CACNG2: variants seen among roughly 807,000 people sequenced by gnomAD.
CACNG2 encodes calcium voltage-gated channel auxiliary subunit gamma 2.
Under a neutral mutation model 25.9 loss-of-function variants are expected in CACNG2, and 3 were observed. The observed-to-expected ratio is 0.12, with a 90% CI of 0.05 to 0.30. The LOEUF is 0.30. Ranked by LOEUF, CACNG2 falls within the 10% of genes least tolerant of loss-of-function variation. The pLI is 1.00. For synonymous variants in CACNG2, 167 were observed against 173.3 expected, an observed-to-expected ratio of 0.96 and a Z score of 0.29; for missense variants, 341 against 432.5, an observed-to-expected ratio of 0.79 and a Z score of 1.88.
At chr22:36,592,367 G>C (rs1935610211) in intron 1 of CACNG2, among the ~76,000 whole-genome samples, 1 of 152,034 alleles carries the variant, frequency 6.6e-6, no homozygotes, top group Admixed American at 6.5e-5. Context: ...CAGAGAGTGG[G>C]ATGCAAAAGA....
chr22:36,688,868 A>G (rs1197701311), intron 1 of CACNG2, among the ~76,000 whole-genome samples: 1 of 152,198 alleles, frequency 6.6e-6, no homozygotes, highest in South Asian at 2.1e-4. Flanking sequence ...TATCCATCTC[A>G]GCAATATCCC....
intron 1 of CACNG2, among the ~76,000 whole-genome samples, chr22:36,669,653 A>T (rs1395927100): frequency 2.0e-5 from 3 of 151,880 alleles, no homozygotes; most frequent in Non-Finnish European, 4.4e-5. Context: ...TCATGTCAGC[A>T]CTCTCTTTCC....
At chr22:36,657,556 T>C (rs961430256) in intron 1 of CACNG2, among the ~76,000 whole-genome samples, 1 of 152,132 alleles carries the variant, frequency 6.6e-6, no homozygotes, top group Non-Finnish European at 1.5e-5. Flanking sequence ...GGATAAATCT[T>C]CTCTGGATTG....
chr22:36,670,643 T>TTGTTC (rs1936936551), intron 1 of CACNG2, among the ~76,000 whole-genome samples: 1 of 149,324 alleles, frequency 6.7e-6, no homozygotes, highest in African/African-American at 2.5e-5. Flanking sequence ...TTGTTTTGTT[T>TTGTTC]TGTTTTTTGA....
At chr22:36,699,839 C>G (rs570641670) in intron 1 of CACNG2, among the ~76,000 whole-genome samples, 1 of 152,334 alleles carries the variant, frequency 6.6e-6, no homozygotes, top group East Asian at 1.9e-4. Flanking sequence ...GAACTTACAG[C>G]CTTTGGAGAT....
At chr22:36,576,186 A>G (rs1008285892) in intron 2 of CACNG2, among the ~76,000 whole-genome samples, 2 of 152,264 alleles carry the variant, frequency 1.3e-5, no homozygotes, top group Non-Finnish European at 2.9e-5. Context: ...ATGATGGAAT[A>G]CTACTCAGCA....
intron 1 of CACNG2, among the ~76,000 whole-genome samples, chr22:36,684,872 C>A (rs1601455530): frequency 6.6e-6 from 1 of 152,208 alleles, no homozygotes; most frequent in Non-Finnish European, 1.5e-5. Flanking sequence ...AGGATTCAAA[C>A]CCAGGTCTGT....
At chr22:36,657,428 C>T (rs1936723518) in intron 1 of CACNG2, among the ~76,000 whole-genome samples, 1 of 152,178 alleles carries the variant, frequency 6.6e-6, no homozygotes, top group South Asian at 2.1e-4. Flanking sequence ...ATGCTACTCC[C>T]ATGTCAGATA....
chr22:36,687,805 T>C (rs557833633), intron 1 of CACNG2, among the ~76,000 whole-genome samples: 4 of 152,142 alleles, frequency 2.6e-5, no homozygotes, highest in African/African-American at 9.6e-5. Context: ...GTTCAACAAC[T>C]CTGGCTTTAA....
At chr22:36,640,794 A>G (rs901459914) in intron 1 of CACNG2, among the ~76,000 whole-genome samples, 13 of 151,984 alleles carry the variant, frequency 8.6e-5, no homozygotes, top group African/African-American at 3.1e-4. Context: ...CTTTGCTTAG[A>G]CCTTCCAGTG....
intron 1 of CACNG2, among the ~76,000 whole-genome samples, chr22:36,627,780 G>T (rs1409441554): frequency 6.6e-6 from 1 of 151,740 alleles, no homozygotes; most frequent in East Asian, 1.9e-4. Context: ...GCGCCACCAT[G>T]CCCAGCAATT....
rs115905681 is a variant in CACNG2, at chr22:36,613,921, C to T, written c.212-26373G>A. ...CTCTTCATCTCCACTCCCAGCAAATCGCCAATTCTTTAACATGTCTTGAAT... is the reference window on the plus strand; with the variant it reads ...CTCTTCATCTCCACTCCCAGCAAATTGCCAATTCTTTAACATGTCTTGAAT... On this transcript the variant is annotated intron_variant, in intron 1 of 3. Transcript: ENST00000300105. 4.1e-3 allele frequency among the ~76,000 whole-genome samples: 627 copies of T among 152,200 alleles called. 8 individuals are homozygous for T. The highest frequency in any genetic ancestry group is 0.015 in the African/African-American group (603 of 41,516).
intron 2 of CACNG2, chr22:36,585,224 G>A (rs1237283776): frequency 6.6e-6 from 1 of 152,188 alleles, no homozygotes. Context: ...TGGGGATCCC[G>A]AGTGTGAACC....
chr22:36,629,143 C>T (rs1442757026), intron 1 of CACNG2, among the ~76,000 whole-genome samples: 4 of 152,206 alleles, frequency 2.6e-5, no homozygotes, highest in African/African-American at 9.7e-5. Context: ...GGATGCTCTT[C>T]AAAATCCCAA....
intron 2 of CACNG2, among the ~76,000 whole-genome samples, chr22:36,582,823 G>C (rs577988945): frequency 6.6e-6 from 1 of 151,768 alleles, no homozygotes; most frequent in East Asian, 1.9e-4. Context: ...TCACCTGTTA[G>C]TTTCATTTTT....
chr22:36,699,996 G>C (rs1044783411), intron 1 of CACNG2, among the ~76,000 whole-genome samples: 2 of 152,242 alleles, frequency 1.3e-5, no homozygotes, highest in African/African-American at 4.8e-5. Flanking sequence ...AAGCGGGCCC[G>C]GAGCTCCAGC....
chr22:36,647,847 G>A (rs963303403), intron 1 of CACNG2, among the ~76,000 whole-genome samples: 3 of 150,038 alleles, frequency 2.0e-5, no homozygotes, highest in East Asian at 1.9e-4. Context: ...TTCACAGTGC[G>A]TAGCACAGTT....
chr22:36,632,987 G>A (rs1433070340), intron 1 of CACNG2, among the ~76,000 whole-genome samples: 2 of 152,050 alleles, frequency 1.3e-5, no homozygotes, highest in Non-Finnish European at 2.9e-5. Flanking sequence ...TCTACTTGCT[G>A]TTTCTGGAAG....
chr22:36,648,377 C>T (rs1326373775), intron 1 of CACNG2, among the ~76,000 whole-genome samples: 3 of 152,198 alleles, frequency 2.0e-5, no homozygotes, highest in Non-Finnish European at 2.9e-5. Context: ...ACCCAGAATT[C>T]AACGTGGTAG....
Sources: allele counts gnomAD v4.1 joint callset (sites outside exome capture counted in the v4.1 genomes callset), GRCh38; gene constraint gnomAD v4.1.1; transcripts MANE v1.5; gene names NCBI Gene and HGNC (gene_info 2026-07-23, HGNC 2026-07-21).